The following COL15A1 variants were observed in gnomAD, a reference collection of about 807,000 sequenced individuals.
COL15A1 encodes the protein collagen alpha-1(XV) chain.
In COL15A1, 111 loss-of-function variants were observed where a neutral mutation model predicts 165.9. That is an observed-to-expected ratio of 0.67 (90% confidence interval 0.57 to 0.78). The LOEUF (loss-of-function observed/expected upper bound fraction) is 0.78. COL15A1 is among the 30% of genes least tolerant of loss of function. The probability of loss-of-function intolerance (pLI) is 0.00; values close to 1 mark genes in which losing one functional copy is unlikely to be tolerated. For missense variants in COL15A1, 1,745 were observed against 1,789.7 expected (o/e 0.98, Z 0.45); for synonymous variants, 659 against 674.8 (o/e 0.98, Z 0.36).
At chr9:98,978,597 C>G (rs113233189) in intron 2 of COL15A1, among the ~76,000 whole-genome samples, 2,385 of 152,274 alleles carry the variant, frequency 0.016, 49 homozygotes, top group African/African-American at 0.053. Flanking sequence ...GAAAAGAAAT[C>G]TCAGTGGGAT....
Position 98,987,331 on chromosome 9 carries a change from G to A in COL15A1, c.686G>A (p.Arg229Lys). The A allele has an allele frequency of 6.2e-7, 1 of 1,613,308 alleles. No homozygotes were observed. The highest frequency in any genetic ancestry group is 1.1e-5 in the South Asian group (1 of 90,984). Residue 229 changes from arginine (R) to lysine (K), a missense_variant, in exon 4 of 42, where the codon AGG becomes AAG. Physicochemically the swap from Arg to Lys is conservative, Grantham distance 26. Transcript: ENST00000375001. The stretch of plus-strand genomic sequence containing the variant: ...CAGCTCACCGTGCACCCCGACCCCA[G>A]GACTCCCGAGGAGCTGTGTGACCCT... ...LQQLTVHPDP[R>K]TPEELCDPEE...
chr9:98,954,301 A>T (rs189022405), intron 2 of COL15A1, among the ~76,000 whole-genome samples: 1 of 152,254 alleles, frequency 6.6e-6, no homozygotes, highest in Non-Finnish European at 1.5e-5. Context: ...GTTTAAAAAG[A>T]TCACATATTA....
chr9:98,984,302 T>C (rs1838275362), intron 2 of COL15A1, among the ~76,000 whole-genome samples: 1 of 152,250 alleles, frequency 6.6e-6, no homozygotes, highest in Admixed American at 6.5e-5. Context: ...TGCATGTTGC[T>C]GCAAGCTAGT....
intron 17 of COL15A1, 23 bp downstream of exon 17, chr9:99,034,607 AAAAAAAAG>A: frequency 1.3e-6 from 2 of 1,482,638 alleles, no homozygotes; most frequent in Non-Finnish European, 1.8e-6. Context: ...AAAAAAAAAA[AAAAAAAAG>A]AACTTTCTTC....
intron 23 of COL15A1, among the ~76,000 whole-genome samples, chr9:99,041,741 C>T (rs921333176): frequency 1.3e-5 from 2 of 152,024 alleles, no homozygotes; most frequent in East Asian, 1.9e-4. Context: ...CTGGAGGAGC[C>T]GTGGGGCAAG....
At position 99,047,851 on chromosome 9, in the gene COL15A1, T is replaced by A; in HGVS notation, c.2733+12T>A. On this transcript the variant is annotated intron_variant, in intron 27 of 41. Transcript: ENST00000375001. ...TTCCCGGGCGACCTGTAGGTATCAG[T>A]GTTCATTGGACAGGCTGGAGGGGGA... 1 of 1,613,438 alleles carries A rather than the reference T, an allele frequency of 6.2e-7. No homozygotes were observed. The highest frequency in any genetic ancestry group is 1.1e-5 in the South Asian group (1 of 91,004).
intron 5 of COL15A1, among the ~76,000 whole-genome samples, chr9:98,990,172 C>T (rs535326563): frequency 3.3e-5 from 5 of 152,206 alleles, no homozygotes; most frequent in Non-Finnish European, 5.9e-5. Flanking sequence ...ACCCAAAGTC[C>T]TGTACATCTC....
intron 31 of COL15A1, among the ~76,000 whole-genome samples, chr9:99,053,977 C>T (rs1270712243): frequency 2.0e-5 from 3 of 152,184 alleles, no homozygotes; most frequent in Non-Finnish European, 4.4e-5. Context: ...TTCCTCCATG[C>T]CCCCTCCCAT....
chr9:99,020,432 A>C lies in COL15A1; in HGVS notation c.1691A>C (p.Lys564Thr), dbSNP rs192641137. The change falls in exon 12 of 42, where the codon AAA (lysine) becomes ACA (threonine). Residue 564 changes from lysine to threonine, a missense_variant. Lys to Thr is a moderately conservative substitution (Grantham distance 78). Transcript: ENST00000375001. ...GGAATGAAAGGACAGGCTGGGCCCAAAGGAGAAAAGGTTTGTGCTGTGACC... is the reference window on the plus strand; with the variant it reads ...GGAATGAAAGGACAGGCTGGGCCCACAGGAGAAAAGGTTTGTGCTGTGACC... ...HVGMKGQAGP[K>T]GEKGDAGEEL... 125 of 1,612,158 alleles carry C rather than the reference A, an allele frequency of 7.8e-5. No homozygotes were observed. In the African/African-American group the frequency reaches 1.3e-3, roughly 16 times the overall value.
intron 38 of COL15A1, 63 bp downstream of exon 38, chr9:99,062,367 T>A: frequency 8.2e-7 from 1 of 1,213,012 alleles, no homozygotes; most frequent in Non-Finnish European, 1.2e-6. Flanking sequence ...GAGTCCTCCT[T>A]GGTATCTAGC....
chr9:98,984,803 T>C (rs1838282449), intron 2 of COL15A1, among the ~76,000 whole-genome samples: 1 of 151,740 alleles, frequency 6.6e-6, no homozygotes, highest in African/African-American at 2.4e-5. Context: ...TTTGTTTTTG[T>C]TTTTTTGAGA....
chr9:98,950,854 C>T (rs35082704), intron 2 of COL15A1, among the ~76,000 whole-genome samples: 37,780 of 151,938 alleles, frequency 0.25, 5,009 homozygotes, highest in East Asian at 0.47. Context: ...CCACCCACCT[C>T]GGCCTCCCAA....
rs114941429 is a variant in COL15A1 at position 98,993,532 on chromosome 9, A to T, written c.805-3402A>T. ...CACCCGTCTGTCTGCACCACAGTTC[A>T]CGCTCTTCCACATGCTTCCATTTCC... On this transcript the variant is annotated intron_variant, in intron 5 of 41. Coordinates refer to ENST00000375001, the MANE Select transcript of COL15A1 (RefSeq NM_001855.5). Among the ~76,000 whole-genome samples, 932 of 152,232 alleles carry T rather than the reference A, an allele frequency of 6.1e-3. 7 individuals are homozygous for T. The highest frequency in any genetic ancestry group is 0.02 in the African/African-American group (846 of 41,526).
intron 21 of COL15A1, among the ~76,000 whole-genome samples, chr9:99,037,026 T>A (rs1839314105): frequency 6.6e-6 from 1 of 152,212 alleles, no homozygotes; most frequent in African/African-American, 2.4e-5. Flanking sequence ...ACAGGAAACA[T>A]CTTTATGTGC....
At position 99,024,892 on chromosome 9, in the gene COL15A1, G is replaced by C. The variant is rs775150458; in HGVS notation, c.1873G>C (p.Gly625Arg). Residue 625 changes from glycine (G) to arginine (R), a missense_variant, in exon 15 of 42, where the codon GGG becomes CGG. Physicochemically the swap from Gly to Arg is moderately radical, Grantham distance 125. Coordinates refer to ENST00000375001, the MANE Select transcript of COL15A1 (RefSeq NM_001855.5). ...QLLRGPPGPP[G>R]PPGLPGIPGK... Reference sequence around the variant, plus strand: ...TTTTTAGGGTCCTCCAGGACCCCCAGGGCCACCTGGCTTACCTGGGATTCC... The same window carrying C: ...TTTTTAGGGTCCTCCAGGACCCCCACGGCCACCTGGCTTACCTGGGATTCC... 5.6e-6 allele frequency: 9 copies of C among 1,613,856 alleles called. No individual in the cohort carries two copies. The highest frequency in any genetic ancestry group is 7.6e-6 in the Non-Finnish European group (9 of 1,179,912).
intron 2 of COL15A1, among the ~76,000 whole-genome samples, chr9:98,961,816 C>T (rs768298626): frequency 5.9e-5 from 9 of 152,132 alleles, no homozygotes; most frequent in African/African-American, 1.7e-4. Flanking sequence ...TGCTTCAGGG[C>T]GGGGGCAAAG....
intron 2 of COL15A1, among the ~76,000 whole-genome samples, chr9:98,959,085 C>T (rs896763772): frequency 1.3e-5 from 2 of 151,640 alleles, no homozygotes; most frequent in Non-Finnish European, 1.5e-5. Context: ...AGTATTGTAG[C>T]TTTGTTTTAA....
intron 16 of COL15A1, among the ~76,000 whole-genome samples, chr9:99,030,491 G>A (rs1224343465): frequency 6.6e-6 from 1 of 152,074 alleles, no homozygotes; most frequent in African/African-American, 2.4e-5. Context: ...TAATCTACTC[G>A]TGTTCCAAGC....
In COL15A1 at chr9:99,034,586, TAAAAAAAAA is replaced by T. The variant is rs60290557; in HGVS notation, c.2079+22_2079+30del. The T allele has an allele frequency of 6.5e-4, 700 of 1,074,660 alleles. No homozygotes were observed. Among genetic ancestry groups the T allele is most frequent in the South Asian group, 6.9e-4 (35 of 50,972 alleles). 66.6% of individuals were successfully genotyped at this position (1,074,660 alleles called of 1,614,324 possible). ...CCTAATGGCTCAGTTGGTGAAAAGG[TAAAAAAAAA>T]AAAAAAAAAAAAAAAAAAAGAACTT... On this transcript the variant is annotated splice_donor_5th_base_variant and intron_variant, in intron 17 of 41. Transcript: ENST00000375001.
Sources: allele counts gnomAD v4.1 joint callset (sites outside exome capture counted in the v4.1 genomes callset), GRCh38; gene constraint gnomAD v4.1.1; transcripts MANE v1.5; gene names NCBI Gene and HGNC (gene_info 2026-07-23, HGNC 2026-07-21).